Variants in RAB6B observed in about 807,000 individuals in gnomAD.
The protein encoded by RAB6B is ras-related protein Rab-6B.
RAB6B carries 7 observed loss-of-function variants against 31.2 expected under a neutral mutation model. The observed-to-expected ratio is 0.22, with a 90% CI of 0.13 to 0.42. RAB6B has a LOEUF of 0.42. Ranked by LOEUF, RAB6B falls within the 10% of genes least tolerant of loss-of-function variation. The pLI is 1.00. For missense variants in RAB6B, 149 were observed against 280.6 expected (o/e 0.53, Z 3.35); for synonymous variants, 105 against 104.9 (o/e 1.00, Z -0.01).
chr3:133,894,975 C>G (rs1364432010), intron 1 of RAB6B, among the ~76,000 whole-genome samples: 9 of 152,214 alleles, frequency 5.9e-5, no homozygotes, highest in Admixed American at 5.9e-4. Context: ...TCGCTTCGTT[C>G]TCCAAGGGGG....
intron 7 of RAB6B, among the ~76,000 whole-genome samples, chr3:133,832,256 C>A (rs1414211146): frequency 6.6e-6 from 1 of 152,080 alleles, no homozygotes; most frequent in African/African-American, 2.4e-5. Context: ...ATGGCTCTAC[C>A]ATTTGGTGGC....
intron 2 of RAB6B, among the ~76,000 whole-genome samples, chr3:133,845,317 G>C (rs1476151237): frequency 6.6e-6 from 1 of 152,214 alleles, no homozygotes; most frequent in Non-Finnish European, 1.5e-5. Context: ...TCTTGAATGG[G>C]ATTAGTACCC....
At chr3:133,873,923 G>A (rs973680913) in intron 1 of RAB6B, among the ~76,000 whole-genome samples, 3 of 152,170 alleles carry the variant, frequency 2.0e-5, no homozygotes, top group Non-Finnish European at 4.4e-5. Context: ...AAAAGAAAAT[G>A]TTATTACAAT....
Position 133,828,744 on chromosome 3 carries a change from C to A in RAB6B, c.*44G>T, listed in dbSNP as rs369228908. 6.4e-7 allele frequency: 1 copy of A among 1,552,532 alleles called. No individual in the cohort carries two copies. Among genetic ancestry groups the A allele is most frequent in the African/African-American group, 1.4e-5 (1 of 73,638 alleles). ...GGAAGCTAGCCAATAGGAAGCAACA[C>A]AACAAGCAAGGAGTGTCATGGGAAG... is the stretch of plus-strand genomic sequence containing the variant. On this transcript the variant is annotated 3_prime_UTR_variant, in exon 8 of 8. Coordinates refer to ENST00000285208, the MANE Select transcript of RAB6B (RefSeq NM_016577.4).
At chr3:133,871,213 T>C (rs1291521406) in intron 1 of RAB6B, among the ~76,000 whole-genome samples, 1 of 152,182 alleles carries the variant, frequency 6.6e-6, no homozygotes, top group East Asian at 1.9e-4. Context: ...CCTCAAGCAG[T>C]CCATATCCAG....
intron 1 of RAB6B, among the ~76,000 whole-genome samples, chr3:133,883,291 C>G (rs894925363): frequency 2.0e-5 from 3 of 152,222 alleles, no homozygotes; most frequent in Non-Finnish European, 2.9e-5. Flanking sequence ...AAGGTAACAG[C>G]CTTTCTCTCT....
At chr3:133,888,530 G>T (rs1454892193) in intron 1 of RAB6B, among the ~76,000 whole-genome samples, 1 of 152,210 alleles carries the variant, frequency 6.6e-6, no homozygotes, top group Non-Finnish European at 1.5e-5. Context: ...AGCCCCTTGG[G>T]ACAGGTGATG....
chr3:133,842,699 A>C (rs776553106), intron 2 of RAB6B, among the ~76,000 whole-genome samples: 3 of 152,218 alleles, frequency 2.0e-5, no homozygotes, highest in Non-Finnish European at 4.4e-5. Context: ...ACTCAAATAG[A>C]TCTATGAGTA....
intron 2 of RAB6B, among the ~76,000 whole-genome samples, chr3:133,851,681 G>A (rs1418977133): frequency 1.3e-5 from 2 of 152,144 alleles, no homozygotes; most frequent in Non-Finnish European, 2.9e-5. Context: ...GAAAAGGGGG[G>A]AGTGGCTTGC....
rs74609590 is a variant in RAB6B, at chr3:133,886,939, T to C, written c.70+8458A>G. ...AGGAAAATGAGCACAGGTGGTGCCA[T>C]TGCACACCAACACCATCCATTCAGC... On this transcript the variant is annotated intron_variant, in intron 1 of 7. Coordinates refer to ENST00000285208, the MANE Select transcript of RAB6B (RefSeq NM_016577.4). Among the ~76,000 whole-genome samples the C allele has an allele frequency of 3.8e-4, 57 of 151,978 alleles. No homozygotes were observed. The East Asian group carries it at 9.4e-3, about 25-fold the overall frequency.
chr3:133,836,074 T>G (rs969027269), intron 6 of RAB6B, among the ~76,000 whole-genome samples: 1 of 151,804 alleles, frequency 6.6e-6, no homozygotes, highest in Non-Finnish European at 1.5e-5. Flanking sequence ...GAAGACAGGG[T>G]GAGTCTTATT....
At chr3:133,861,130 G>C (rs1936155249) in intron 2 of RAB6B, among the ~76,000 whole-genome samples, 2 of 152,252 alleles carry the variant, frequency 1.3e-5, no homozygotes, top group Non-Finnish European at 2.9e-5. Context: ...AGGGGAAGGG[G>C]GCTGGCCCCA....
At chr3:133,887,033 G>C (rs1936558270) in intron 1 of RAB6B, among the ~76,000 whole-genome samples, 1 of 150,538 alleles carries the variant, frequency 6.6e-6, no homozygotes, top group Non-Finnish European at 1.5e-5. Context: ...GGGGGTGGGA[G>C]CTGGGGCTGG....
intron 1 of RAB6B, among the ~76,000 whole-genome samples, chr3:133,876,380 G>A (rs1348034693): frequency 1.3e-5 from 2 of 152,134 alleles, no homozygotes; most frequent in African/African-American, 2.4e-5. Context: ...CCCTCCCAAG[G>A]ATTCTATGAA....
At chr3:133,875,228 C>T (rs773549038) in intron 1 of RAB6B, among the ~76,000 whole-genome samples, 2 of 152,228 alleles carry the variant, frequency 1.3e-5, no homozygotes, top group Middle Eastern at 3.4e-3. Flanking sequence ...GAAATGATTA[C>T]CACAATCAAG....
At chr3:133,883,324 G>A (rs1010552212) in intron 1 of RAB6B, among the ~76,000 whole-genome samples, 3 of 152,180 alleles carry the variant, frequency 2.0e-5, no homozygotes, top group African/African-American at 7.2e-5. Flanking sequence ...TGCTTTGCTG[G>A]GCTGGAGCTC....
At chr3:133,860,501 ACTT>A (rs1481668855) in intron 2 of RAB6B, among the ~76,000 whole-genome samples, 3 of 152,164 alleles carry the variant, frequency 2.0e-5, no homozygotes, top group African/African-American at 4.8e-5. Flanking sequence ...AAGAAAATAA[ACTT>A]CTGTTGTTTT....
chr3:133,895,624 C>T lies in RAB6B; in HGVS notation c.-158G>A. On this transcript the variant is annotated 5_prime_UTR_variant, in exon 1 of 8. Coordinates refer to ENST00000285208, the MANE Select transcript of RAB6B (RefSeq NM_016577.4). ...TGACTCCCCAGCTGCGTCCCGGTCCCGGCCTGCGGCTGCGTGTCCGGCGGC... is the reference window on the plus strand; with the variant it reads ...TGACTCCCCAGCTGCGTCCCGGTCCTGGCCTGCGGCTGCGTGTCCGGCGGC... 1.5e-6 allele frequency: 1 copy of T among 662,046 alleles called. No individual in the cohort carries two copies. The highest frequency in any genetic ancestry group is 2.5e-6 in the Non-Finnish European group (1 of 392,648). 41.0% of individuals were successfully genotyped at this position (662,046 alleles called of 1,614,324 possible).
intron 4 of RAB6B, 131 bp downstream of exon 4, chr3:133,841,154 G>A: frequency 1.3e-6 from 1 of 795,018 alleles, no homozygotes; most frequent in Non-Finnish European, 2.0e-6. Context: ...TGCATTCAGG[G>A]AGCAATCGCA....
Sources: gnomAD v4.1 joint callset for allele counts (sites outside exome capture counted in the v4.1 genomes callset) on GRCh38, gnomAD v4.1.1 for gene constraint, MANE v1.5 for transcripts, NCBI Gene and HGNC (gene_info 2026-07-23, HGNC 2026-07-21) for gene names.